The following ARHGAP18 variants were observed in gnomAD, a reference collection of about 807,000 sequenced individuals.
The protein encoded by ARHGAP18 is Rho GTPase activating protein 18.
ARHGAP18 carries 67 observed loss-of-function variants against 86.2 expected under a neutral mutation model. The observed-to-expected ratio is 0.78, with a 90% CI of 0.64 to 0.95. The LOEUF (loss-of-function observed/expected upper bound fraction) is 0.95, where lower values mean the gene tolerates loss of function less well. Ranked by LOEUF, ARHGAP18 falls within the 40% of genes least tolerant of loss-of-function variation. The probability of loss-of-function intolerance (pLI) is 0.00; values close to 1 mark genes in which losing one functional copy is unlikely to be tolerated. For missense variants in ARHGAP18, 691 were observed against 780.4 expected, an observed-to-expected ratio of 0.89 and a Z score of 1.37; for synonymous variants, 283 against 280.4, an observed-to-expected ratio of 1.01 and a Z score of -0.09.
intron 9 of ARHGAP18, among the ~76,000 whole-genome samples, chr6:129,606,581 C>T (rs983773157): frequency 1.3e-5 from 2 of 152,142 alleles, no homozygotes; most frequent in African/African-American, 4.8e-5. Flanking sequence ...ATTTCTTTTT[C>T]AGCAATAAAT....
intron 1 of ARHGAP18, among the ~76,000 whole-genome samples, chr6:129,704,604 A>G (rs1411431043): frequency 6.6e-6 from 1 of 152,062 alleles, no homozygotes; most frequent in Admixed American, 6.6e-5. Flanking sequence ...AGGTATTCTC[A>G]TTTGTCCATC....
intron 1 of ARHGAP18, among the ~76,000 whole-genome samples, chr6:129,675,496 G>A (rs141993381): frequency 3.1e-4 from 47 of 152,206 alleles, no homozygotes; most frequent in African/African-American, 1.1e-3. Context: ...AGGTGTGGGC[G>A]GGTGTTGGAG....
At chr6:129,625,992 TCAA>T (rs1789456842) in intron 5 of ARHGAP18, among the ~76,000 whole-genome samples, 1 of 110,028 alleles carries the variant, frequency 9.1e-6, no homozygotes, top group Non-Finnish European at 1.7e-5. Context: ...ATATTATATA[TCAA>T]ATATATATCA....
chr6:129,590,442 G>A (rs571090824), intron 12 of ARHGAP18, among the ~76,000 whole-genome samples: 4 of 152,134 alleles, frequency 2.6e-5, no homozygotes, highest in African/African-American at 4.8e-5. Flanking sequence ...GAGTTTTCAC[G>A]TATATGTGTA....
In ARHGAP18 at chr6:129,638,458, T is replaced by G. The variant is rs1773378995; in HGVS notation, c.488A>C (p.Asn163Thr). ...ETVSQTLRKK[N>T]KQYQIPDVRD... ...GACGTCAGGAATCTGGTACTGTTTG[T>G]TTTTTTTCCTCAAGGTCTGGGAGAC... Residue 163 changes from asparagine (N) to threonine (T), a missense_variant, in exon 3 of 15, where the codon AAC (asparagine) becomes ACC (threonine). By Grantham distance (65) the Asn-to-Thr change is moderately conservative (BLOSUM62 0). Coordinates refer to ENST00000368149, the MANE Select transcript of ARHGAP18 (RefSeq NM_033515.3). 2 of 1,613,788 alleles carry G rather than the reference T, an allele frequency of 1.2e-6. No homozygotes were observed. The highest frequency in any genetic ancestry group is 1.3e-5 in the African/African-American group (1 of 74,870).
chr6:129,638,128 G>T (rs539168446), intron 3 of ARHGAP18, among the ~76,000 whole-genome samples: 105 of 152,304 alleles, frequency 6.9e-4, no homozygotes, highest in African/African-American at 2.3e-3. Context: ...TGGAGTTAAA[G>T]TCACTTGTAA....
chr6:129,636,635 G>C (rs1444044562), intron 3 of ARHGAP18, among the ~76,000 whole-genome samples: 3 of 152,180 alleles, frequency 2.0e-5, no homozygotes, highest in Non-Finnish European at 4.4e-5. Flanking sequence ...CCAGCACTTT[G>C]GGAGGCTGAG....
intron 5 of ARHGAP18, among the ~76,000 whole-genome samples, chr6:129,622,069 C>T (rs1036215642): frequency 1.3e-5 from 2 of 152,258 alleles, no homozygotes; most frequent in South Asian, 4.1e-4. Context: ...ACTTCCGTAA[C>T]GCTGTTGTAC....
rs1562696460 is a variant in ARHGAP18, at chr6:129,625,162, T to TG, written c.786+4190_786+4191insC. Reference sequence around the variant, plus strand: ...ATATATTATATATTATATAGATATATATTATATATGATATATTATATATTA... The same window carrying TG: ...ATATATTATATATTATATAGATATATGATTATATATGATATATTATATATTA... On this transcript the variant is annotated intron_variant, in intron 5 of 14. Transcript: ENST00000368149. 2.3e-4 allele frequency among the ~76,000 whole-genome samples: 13 copies of TG among 57,698 alleles called. 3 individuals carry two copies. The highest frequency in any genetic ancestry group is 6.2e-4 in the South Asian group (1 of 1,606). 37.9% of individuals were successfully genotyped at this position (57,698 alleles called of 152,430 possible). A position where few individuals can be genotyped will look rare whatever the true frequency, so the allele number is the denominator to read the frequency against.
chr6:129,629,032 A>G (rs767831057), intron 5 of ARHGAP18, among the ~76,000 whole-genome samples: 13 of 152,274 alleles, frequency 8.5e-5, no homozygotes, highest in Non-Finnish European at 4.4e-5. Context: ...GGTGTTTGCC[A>G]TACTATTCTT....
intron 12 of ARHGAP18, among the ~76,000 whole-genome samples, chr6:129,592,417 ATTTC>A (rs775441845): frequency 2.6e-5 from 4 of 152,192 alleles, no homozygotes; most frequent in Non-Finnish European, 4.4e-5. Context: ...GTAGCAACAG[ATTTC>A]TTTTTCACAT....
At chr6:129,599,427 A>AT (rs1386297892) in intron 11 of ARHGAP18, 71 bp from the exon 12 acceptor site, 2 of 1,266,538 alleles carry the variant, frequency 1.6e-6, no homozygotes, top group Admixed American at 6.7e-5. Context: ...AAAAAAAATT[A>AT]TATTTTTTTA....
In ARHGAP18 at chr6:129,641,859, G is replaced by C; in HGVS notation, c.273C>G (p.Asn91Lys). 1 of 1,613,796 alleles carries C rather than the reference G, an allele frequency of 6.2e-7. No individual in the cohort carries two copies. The highest frequency in any genetic ancestry group is 8.5e-7 in the Non-Finnish European group (1 of 1,179,884). Reference protein sequence around the residue: ...ELENIKKSSENSQEDQEVVVV... With the variant: ...ELENIKKSSEKSQEDQEVVVV... ...CAACCACCTCTTGATCTTCTTGGCT[G>C]TTTTCACTAGATTTCTTGATGTTTT... Residue 91 changes from asparagine to lysine, a missense_variant, in exon 2 of 15, where the codon AAC becomes AAG. Coordinates refer to ENST00000368149, the MANE Select transcript of ARHGAP18 (RefSeq NM_033515.3).
At chr6:129,603,368 A>ATG (rs1032505719) in intron 10 of ARHGAP18, among the ~76,000 whole-genome samples, 5 of 151,986 alleles carry the variant, frequency 3.3e-5, no homozygotes, top group African/African-American at 9.6e-5. Flanking sequence ...GTATGTGTGT[A>ATG]TGTGTGTGTG....
chr6:129,600,783 A>G lies in ARHGAP18; in HGVS notation c.1431T>C (p.Asn477=), dbSNP rs1231617308. 1.9e-6 allele frequency: 3 copies of G among 1,613,518 alleles called. No individual in the cohort carries two copies. The highest frequency in any genetic ancestry group is 2.7e-5 in the African/African-American group (2 of 74,898). ...NKEKNKMTVM[N]VAMVMAPNLF... is the part of the protein sequence containing the mutation. ...GATTCGGGGCCATGACCATTGCTAC[A>G]TTCATGACTGTCATTTTATTTTTTT... The change falls in exon 11 of 15, where the codon AAT becomes AAC. Residue 477 remains asparagine, a synonymous_variant. Transcript: ENST00000368149.
intron 13 of ARHGAP18, among the ~76,000 whole-genome samples, chr6:129,581,245 C>G (rs1788281158): frequency 6.6e-6 from 1 of 152,180 alleles, no homozygotes; most frequent in Admixed American, 6.5e-5. Flanking sequence ...CATGGAATGG[C>G]TCATCTGGTT....
At chr6:129,647,751 G>A (rs1562709556) in intron 1 of ARHGAP18, among the ~76,000 whole-genome samples, 1 of 151,596 alleles carries the variant, frequency 6.6e-6, no homozygotes, top group Non-Finnish European at 1.5e-5. Flanking sequence ...GAATATTTTA[G>A]AAGAAGCCAT....
chr6:129,609,369 A>G (rs1207135746), intron 8 of ARHGAP18, among the ~76,000 whole-genome samples: 4 of 152,194 alleles, frequency 2.6e-5, no homozygotes, highest in Non-Finnish European at 4.4e-5. Context: ...GCCTTCTTAG[A>G]AATTACACTT....
At chr6:129,634,148 AC>A in intron 3 of ARHGAP18, 43 bp from the exon 4 acceptor site, 1 of 1,556,184 alleles carries the variant, frequency 6.4e-7, no homozygotes. Flanking sequence ...CCAACTCAAA[AC>A]CAGAGAAAAT....
Sources: gnomAD v4.1 joint callset for allele counts (sites outside exome capture counted in the v4.1 genomes callset) on GRCh38, gnomAD v4.1.1 for gene constraint, MANE v1.5 for transcripts, NCBI Gene and HGNC (gene_info 2026-07-23, HGNC 2026-07-21) for gene names.